PLCB1: variants seen among roughly 807,000 people sequenced by gnomAD.
PLCB1 encodes the protein phospholipase C beta 1.
In PLCB1, 46 loss-of-function variants were observed where a neutral mutation model predicts 161.8. That is an observed-to-expected ratio of 0.28 (90% CI 0.22 to 0.36). The LOEUF is 0.36. PLCB1 is among the 10% of genes least tolerant of loss of function. The pLI is 1.00. For synonymous variants in PLCB1, 517 were observed against 503.7 expected (o/e 1.03, Z -0.35); for missense variants, 1,016 against 1,472.5 (o/e 0.69, Z 5.07).
chr20:8,861,124 T>C (rs1199688156), intron 31 of PLCB1, among the ~76,000 whole-genome samples: 1 of 152,214 alleles, frequency 6.6e-6, no homozygotes, highest in Non-Finnish European at 1.5e-5. Flanking sequence ...TCTGATTATA[T>C]TTTAATCTAA....
At chr20:8,645,016 A>G (rs1333476777) in intron 4 of PLCB1, among the ~76,000 whole-genome samples, 2 of 152,056 alleles carry the variant, frequency 1.3e-5, no homozygotes, top group South Asian at 2.1e-4. Context: ...CTGTAACCTT[A>G]CCCCCAACCC....
chr20:8,613,822 GGC>G (rs1254802788), intron 3 of PLCB1, among the ~76,000 whole-genome samples: 1 of 151,578 alleles, frequency 6.6e-6, no homozygotes, highest in Non-Finnish European at 1.5e-5. Context: ...TTTTATACAT[GGC>G]AATAAATCAG....
chr20:8,689,753 C>T (rs1015686537), intron 10 of PLCB1, among the ~76,000 whole-genome samples: 1 of 151,550 alleles, frequency 6.6e-6, no homozygotes, highest in Non-Finnish European at 1.5e-5. Flanking sequence ...TTAATTTCTT[C>T]TGAAGTCATT....
chr20:8,729,271 T>A, intron 18 of PLCB1, 97 bp downstream of exon 18: 1 of 1,147,278 alleles, frequency 8.7e-7, no homozygotes. Flanking sequence ...TTGCCAGACT[T>A]CACTGAAAAA....
chr20:8,274,540 A>G (rs547328593), intron 2 of PLCB1, among the ~76,000 whole-genome samples: 2 of 151,788 alleles, frequency 1.3e-5, no homozygotes, highest in East Asian at 1.9e-4. Context: ...CATGATTTCC[A>G]TATTTCATTA....
intron 11 of PLCB1, among the ~76,000 whole-genome samples, chr20:8,705,446 C>T (rs779556010): frequency 6.6e-5 from 10 of 152,084 alleles, no homozygotes; most frequent in Admixed American, 1.3e-4. Context: ...AAGTTCTTAC[C>T]TCAAGAAGTT....
At chr20:8,594,481 C>T (rs768221186) in intron 3 of PLCB1, among the ~76,000 whole-genome samples, 11 of 152,052 alleles carry the variant, frequency 7.2e-5, no homozygotes, top group Non-Finnish European at 1.2e-4. Context: ...AGGTTAGGGG[C>T]GGTCCTGAGA....
At chr20:8,235,341 A>C (rs1980264338) in intron 2 of PLCB1, among the ~76,000 whole-genome samples, 1 of 152,170 alleles carries the variant, frequency 6.6e-6, no homozygotes. Flanking sequence ...CAGTATAATA[A>C]AAATACCACA....
chr20:8,384,934 C>A (rs1218705312), intron 3 of PLCB1, among the ~76,000 whole-genome samples: 3 of 152,124 alleles, frequency 2.0e-5, no homozygotes, highest in African/African-American at 7.2e-5. Flanking sequence ...TCAAGGGGCA[C>A]CAACCTGATG....
intron 9 of PLCB1, among the ~76,000 whole-genome samples, chr20:8,674,117 T>C (rs1990017315): frequency 6.6e-6 from 1 of 152,168 alleles, no homozygotes; most frequent in Non-Finnish European, 1.5e-5. Flanking sequence ...AAACACAAAC[T>C]AAGACACTCC....
At chr20:8,390,832 A>T (rs1239000012) in intron 3 of PLCB1, among the ~76,000 whole-genome samples, 1 of 151,984 alleles carries the variant, frequency 6.6e-6, no homozygotes, top group Non-Finnish European at 1.5e-5. Flanking sequence ...CCAAGCCACA[A>T]CACCAATAAC....
chr20:8,673,061 G>A (rs1403998188), intron 9 of PLCB1, among the ~76,000 whole-genome samples: 5 of 151,894 alleles, frequency 3.3e-5, no homozygotes, highest in African/African-American at 7.3e-5. Flanking sequence ...GCAGTGAGCC[G>A]AGATCGTGCC....
intron 3 of PLCB1, among the ~76,000 whole-genome samples, chr20:8,470,860 G>T: frequency 6.6e-6 from 1 of 150,688 alleles, no homozygotes; most frequent in Non-Finnish European, 1.5e-5. Context: ...GCTCTTCTTT[G>T]TTTTGGTCTT....
intron 23 of PLCB1, among the ~76,000 whole-genome samples, chr20:8,756,823 A>G: frequency 6.6e-6 from 1 of 152,162 alleles, no homozygotes; most frequent in Non-Finnish European, 1.5e-5. Context: ...ACGGGCATAG[A>G]CATAGGTTGG....
intron 3 of PLCB1, among the ~76,000 whole-genome samples, chr20:8,627,546 G>A (rs1988390661): frequency 6.6e-6 from 1 of 152,076 alleles, no homozygotes; most frequent in South Asian, 2.1e-4. Context: ...TTTCCTTCAG[G>A]GCCTGTCCTA....
At chr20:8,643,299 C>T (rs1203181266) in intron 4 of PLCB1, among the ~76,000 whole-genome samples, 1 of 152,162 alleles carries the variant, frequency 6.6e-6, no homozygotes, top group African/African-American at 2.4e-5. Context: ...TAATTTATCT[C>T]CAGACACCTA....
intron 3 of PLCB1, among the ~76,000 whole-genome samples, chr20:8,558,090 G>T (rs1359940840): frequency 6.6e-6 from 1 of 151,702 alleles, no homozygotes; most frequent in Admixed American, 6.6e-5. Flanking sequence ...AAATGAATAA[G>T]ATCTAGTATA....
intron 2 of PLCB1, among the ~76,000 whole-genome samples, chr20:8,154,870 A>G (rs1399199496): frequency 2.6e-5 from 4 of 152,192 alleles, no homozygotes; most frequent in Non-Finnish European, 1.5e-5. Context: ...CTTTCTTAAC[A>G]TCTAATTTAT....
chr20:8,330,767 T>C (rs879902173), intron 2 of PLCB1, among the ~76,000 whole-genome samples: 5 of 152,222 alleles, frequency 3.3e-5, no homozygotes, highest in Non-Finnish European at 7.3e-5. Context: ...TCATGCCATT[T>C]GTTGCTAGTT....
Sources: gnomAD v4.1 joint callset for allele counts (sites outside exome capture counted in the v4.1 genomes callset) on GRCh38, gnomAD v4.1.1 for gene constraint, MANE v1.5 for transcripts, NCBI Gene and HGNC (gene_info 2026-07-23, HGNC 2026-07-21) for gene names.